ADAMTSL1: variants seen among roughly 807,000 people sequenced by gnomAD.
ADAMTSL1 encodes the protein ADAMTS like 1, also known as ADAMTS-like protein 1.
ADAMTSL1 carries 126 observed loss-of-function variants against 201.8 expected under a neutral mutation model. That is an observed-to-expected ratio of 0.62 (90% CI 0.54 to 0.72). The LOEUF is 0.72. ADAMTSL1 is among the 30% of genes least tolerant of loss of function. ADAMTSL1 has a pLI of 0.00. For missense variants in ADAMTSL1, 2,679 were observed against 2,277.8 expected (o/e 1.18, Z -3.59); for synonymous variants, 1,121 against 903.4 (o/e 1.24, Z -4.32).
intron 2 of ADAMTSL1, among the ~76,000 whole-genome samples, chr9:18,420,240 G>A (rs116910509): frequency 0.032 from 4,837 of 152,238 alleles, 142 homozygotes; most frequent in Admixed American, 0.08. Flanking sequence ...TTTGGCTATG[G>A]CATTTATAGG....
At chr9:18,555,387 T>C (rs907816302) in intron 3 of ADAMTSL1, among the ~76,000 whole-genome samples, 2 of 151,986 alleles carry the variant, frequency 1.3e-5, no homozygotes, top group African/African-American at 4.8e-5. Flanking sequence ...AACAATTTTT[T>C]AAATTTTTAT....
chr9:18,068,453 A>G (rs1406775950), intron 1 of ADAMTSL1, among the ~76,000 whole-genome samples: 1 of 152,180 alleles, frequency 6.6e-6, no homozygotes, highest in Non-Finnish European at 1.5e-5. Flanking sequence ...GCCATATGCA[A>G]ATACTAGACC....
At chr9:18,320,703 A>G (rs1188547740) in intron 2 of ADAMTSL1, among the ~76,000 whole-genome samples, 1 of 152,212 alleles carries the variant, frequency 6.6e-6, no homozygotes, top group Non-Finnish European at 1.5e-5. Flanking sequence ...TAAAATATTA[A>G]CACAAAGGAT....
At chr9:18,080,026 T>C (rs549717345) in intron 1 of ADAMTSL1, among the ~76,000 whole-genome samples, 11 of 152,220 alleles carry the variant, frequency 7.2e-5, no homozygotes, top group African/African-American at 2.4e-4. Flanking sequence ...TAGACTAGAT[T>C]GTGTACTGAT....
chr9:18,596,408 G>C (rs574534406), intron 4 of ADAMTSL1, among the ~76,000 whole-genome samples: 1 of 152,108 alleles, frequency 6.6e-6, no homozygotes, highest in Non-Finnish European at 1.5e-5. Flanking sequence ...GGTTCTTTTA[G>C]CTTCAATTTT....
intron 2 of ADAMTSL1, chr9:18,360,556 T>A (rs563208984): frequency 2.6e-5 from 4 of 152,276 alleles, no homozygotes; most frequent in East Asian, 1.9e-4. Flanking sequence ...TAGAGGCAAC[T>A]GTAAATAAAA....
intron 22 of ADAMTSL1, 114 bp from the exon 23 acceptor site, chr9:18,829,729 G>A: frequency 7.3e-7 from 1 of 1,371,922 alleles, no homozygotes; most frequent in Non-Finnish European, 1.0e-6. Context: ...CAATAGTAAT[G>A]CCTATCTTAC....
At chr9:18,349,205 A>G (rs896612564) in intron 2 of ADAMTSL1, among the ~76,000 whole-genome samples, 1 of 152,166 alleles carries the variant, frequency 6.6e-6, no homozygotes, top group African/African-American at 2.4e-5. Context: ...ATGAGGAGAA[A>G]ATGAGACTTA....
At chr9:18,564,026 C>T (rs1176977235) in intron 3 of ADAMTSL1, among the ~76,000 whole-genome samples, 1 of 152,164 alleles carries the variant, frequency 6.6e-6, no homozygotes, top group East Asian at 1.9e-4. Context: ...GTGAATGTTT[C>T]TGTCATGCTG....
intron 2 of ADAMTSL1, among the ~76,000 whole-genome samples, chr9:18,258,612 G>A (rs1277967280): frequency 6.6e-6 from 1 of 152,078 alleles, no homozygotes; most frequent in African/African-American, 2.4e-5. Flanking sequence ...CACACCCACC[G>A]CCAGTGCCTT....
intron 2 of ADAMTSL1, among the ~76,000 whole-genome samples, chr9:18,416,008 A>G (rs1239071187): frequency 6.6e-6 from 1 of 152,090 alleles, no homozygotes; most frequent in East Asian, 1.9e-4. Context: ...AAAAGCTAAA[A>G]GAATTCATTA....
chr9:18,786,535 G>T (rs778866247), intron 19 of ADAMTSL1, among the ~76,000 whole-genome samples: 1 of 152,204 alleles, frequency 6.6e-6, no homozygotes, highest in Non-Finnish European at 1.5e-5. Flanking sequence ...ACTAGCAGAA[G>T]TGCAAAGAAC....
intron 7 of ADAMTSL1, among the ~76,000 whole-genome samples, chr9:18,654,099 G>A (rs948592591): frequency 1.3e-5 from 2 of 152,186 alleles, no homozygotes; most frequent in African/African-American, 4.8e-5. Flanking sequence ...CATGGTGGTG[G>A]ACACCTATAA....
At chr9:18,808,081 A>G (rs1377821614) in intron 20 of ADAMTSL1, among the ~76,000 whole-genome samples, 1 of 152,166 alleles carries the variant, frequency 6.6e-6, no homozygotes, top group Admixed American at 6.5e-5. Context: ...ATTGTAATAG[A>G]GATCTAGTGG....
At chr9:18,054,313 A>AT (rs1181336673) in intron 1 of ADAMTSL1, among the ~76,000 whole-genome samples, 5 of 152,190 alleles carry the variant, frequency 3.3e-5, no homozygotes, top group Non-Finnish European at 5.9e-5. Flanking sequence ...CAGCTTTTCA[A>AT]TTTTTTCCAT....
chr9:18,807,252 G>T (rs1464484321), intron 20 of ADAMTSL1, among the ~76,000 whole-genome samples: 1 of 152,104 alleles, frequency 6.6e-6, no homozygotes, highest in Non-Finnish European at 1.5e-5. Flanking sequence ...CAAATTTACA[G>T]ATTAAATGAA....
intron 1 of ADAMTSL1, among the ~76,000 whole-genome samples, chr9:18,091,963 C>T (rs895595344): frequency 6.6e-6 from 1 of 152,094 alleles, no homozygotes; most frequent in Non-Finnish European, 1.5e-5. Context: ...TCATGAACTT[C>T]TCTCTTGATT....
chr9:18,317,227 G>T (rs1164214584), intron 2 of ADAMTSL1, among the ~76,000 whole-genome samples: 2 of 152,106 alleles, frequency 1.3e-5, no homozygotes, highest in Admixed American at 6.5e-5. Flanking sequence ...ATTACCAGGG[G>T]CTAGAGGAAG....
chr9:18,877,548 G>A (rs1263543792), intron 23 of ADAMTSL1, among the ~76,000 whole-genome samples: 1 of 152,160 alleles, frequency 6.6e-6, no homozygotes, highest in East Asian at 1.9e-4. Flanking sequence ...GGCTGGTACT[G>A]AGGAGAGGCT....
Sources: gnomAD v4.1 joint callset for allele counts (sites outside exome capture counted in the v4.1 genomes callset) on GRCh38, gnomAD v4.1.1 for gene constraint, MANE v1.5 for transcripts, NCBI Gene and HGNC (gene_info 2026-07-23, HGNC 2026-07-21) for gene names.